The following GCKR variants were observed in gnomAD, a reference collection of about 807,000 sequenced individuals.
GCKR encodes the protein glucokinase regulator, also known as glucokinase regulatory protein.
GCKR carries 73 observed loss-of-function variants against 82.9 expected under a neutral mutation model. The ratio of observed to expected loss-of-function variants is 0.88; its 90% CI spans 0.73 to 1.07. GCKR has a LOEUF of 1.07. Among genes scored for constraint, GCKR ranks in the 50% least tolerant of loss-of-function variants. The pLI, the probability that GCKR is intolerant of heterozygous loss-of-function variation, is 0.00. For missense variants in GCKR, 784 were observed against 782.1 expected (o/e 1.00, Z -0.03); for synonymous variants, 294 against 291.8 (o/e 1.01, Z -0.08).
rs1347645412 is a variant in GCKR at position 27,498,408 on chromosome 2, C to T, written c.354+85C>T. On this transcript the variant is annotated intron_variant, in intron 4 of 18. Coordinates refer to ENST00000264717, the MANE Select transcript of GCKR (RefSeq NM_001486.4). ...CATAAAGATCATCATAACTAAGCTC[C>T]CAGGTGGCCCCCTCACTAGACCTGG... 2.9e-6 allele frequency: 3 copies of T among 1,040,838 alleles called. No individual in the cohort carries two copies. In the East Asian group the frequency reaches 7.2e-5, roughly 25 times the overall value. The allele number at this position is 1,040,838 out of a possible 1,614,324, so 64.5% of individuals were successfully genotyped here.
chr2:27,508,315 C>A (rs954691023), intron 16 of GCKR, 64 bp downstream of exon 16: 41 of 1,094,676 alleles, frequency 3.7e-5, no homozygotes, highest in Admixed American at 1.5e-4. Flanking sequence ...TTCCAAGAAT[C>A]AAAAAACCCA....
intron 7 of GCKR, among the ~76,000 whole-genome samples, chr2:27,499,821 G>T (rs1026331950): frequency 2.0e-5 from 3 of 151,380 alleles, no homozygotes; most frequent in Middle Eastern, 3.5e-3. Context: ...GCAATGGCAT[G>T]ATTTCGGCTC....
chr2:27,504,593 C>T (rs1159485784), intron 9 of GCKR, among the ~76,000 whole-genome samples: 2 of 151,744 alleles, frequency 1.3e-5, no homozygotes. Context: ...GGTGATCCGC[C>T]CGCCTCGGCC....
intron 13 of GCKR, 41 bp downstream of exon 13, chr2:27,507,352 T>A (rs1259436788): frequency 2.4e-6 from 3 of 1,260,050 alleles, no homozygotes; most frequent in Middle Eastern, 1.8e-4. Flanking sequence ...GGGAGACCAC[T>A]AGTGTGCTGA....
chr2:27,504,010 G>C (rs1159707084), intron 9 of GCKR, among the ~76,000 whole-genome samples: 1 of 152,112 alleles, frequency 6.6e-6, no homozygotes, highest in Non-Finnish European at 1.5e-5. Flanking sequence ...TCATTCTTCT[G>C]CCTTTCTAAA....
intron 17 of GCKR, among the ~76,000 whole-genome samples, chr2:27,521,727 A>C (rs1305384102): frequency 6.7e-6 from 1 of 148,814 alleles, no homozygotes; most frequent in Non-Finnish European, 1.5e-5. Flanking sequence ...CTTTATTTTT[A>C]TTTTTTTTAG....
chr2:27,509,494 C>A, intron 16 of GCKR: 1 of 440,340 alleles, frequency 2.3e-6, no homozygotes, highest in Non-Finnish European at 4.6e-6. Context: ...CACTCACCAC[C>A]ATGACTGGCT....
intron 12 of GCKR, 98 bp from the exon 13 acceptor site, chr2:27,507,137 C>T: frequency 1.1e-6 from 1 of 896,282 alleles, no homozygotes; most frequent in South Asian, 1.3e-5. Flanking sequence ...CCCCACTTGC[C>T]ACTTTTCCTC....
chr2:27,516,667 T>A (rs1161669313), intron 16 of GCKR, among the ~76,000 whole-genome samples: 1 of 152,196 alleles, frequency 6.6e-6, no homozygotes, highest in Non-Finnish European at 1.5e-5. Context: ...AATGAATGTG[T>A]CGCACTCCAA....
intron 17 of GCKR, among the ~76,000 whole-genome samples, chr2:27,520,295 G>T (rs8179247): frequency 6.6e-6 from 1 of 152,078 alleles, no homozygotes; most frequent in Admixed American, 6.6e-5. Context: ...CAAAAAGAAG[G>T]CCTCATGGAA....
intron 16 of GCKR, among the ~76,000 whole-genome samples, chr2:27,515,745 G>GTATATATA (rs528066615): frequency 1.5e-5 from 2 of 129,464 alleles, no homozygotes; most frequent in African/African-American, 2.9e-5. Flanking sequence ...CCAATTGTTC[G>GTATATATA]TATATATATA....
At chr2:27,506,337 C>A (rs1430252608) in intron 10 of GCKR, 144 bp from the exon 11 acceptor site, 17 of 722,620 alleles carry the variant, frequency 2.4e-5, no homozygotes, top group Non-Finnish European at 4.1e-5. Context: ...GGAACGCAGT[C>A]TGGGCCTACT....
intron 16 of GCKR, among the ~76,000 whole-genome samples, chr2:27,511,490 A>G (rs1669880788): frequency 1.3e-5 from 2 of 151,130 alleles, no homozygotes; most frequent in Admixed American, 6.6e-5. Context: ...TGAGGTCAAG[A>G]GTTCGAGACC....
rs374848026 is a variant in GCKR at position 27,523,363 on chromosome 2, T to C, written c.1802T>C (p.Val601Ala). 9.3e-6 allele frequency: 15 copies of C among 1,612,512 alleles called. No individual in the cohort carries two copies. In the African/African-American group the frequency reaches 2.0e-4, roughly 22 times the overall value. Residue 601 changes from valine to alanine, a missense_variant, in exon 19 of 19, where the codon GTC (valine) becomes GCC (alanine). Physicochemically the swap from Val to Ala is moderately conservative, Grantham distance 64. Transcript: ENST00000264717. ...LAAAPSVCEA[V>A]RSALAGPGQK... is the part of the protein sequence containing the mutation. ...GCAGCTCCTTCTGTCTGTGAGGCTG[T>C]CAGGAGTGCTCTTGCTGGGCCAGGT...
chr2:27,507,898 G>A, intron 14 of GCKR, 79 bp from the exon 15 acceptor site: 1 of 1,200,132 alleles, frequency 8.3e-7, no homozygotes, highest in Non-Finnish European at 1.2e-6. Context: ...TGAATATCCT[G>A]ACTGGACCCC....
At chr2:27,507,048 A>G (rs556733573) in intron 12 of GCKR, among the ~76,000 whole-genome samples, 163 bp downstream of exon 12, 7 of 151,962 alleles carry the variant, frequency 4.6e-5, no homozygotes, top group African/African-American at 1.7e-4. Flanking sequence ...TAGAACCCCA[A>G]CTCAGTCCTT....
chr2:27,506,445 T>G, intron 10 of GCKR, 36 bp from the exon 11 acceptor site: 1 of 1,370,214 alleles, frequency 7.3e-7, no homozygotes, highest in Non-Finnish European at 1.0e-6. Context: ...GAGGGGGAAT[T>G]GGGCCCTTCT....
chr2:27,500,734 A>C (rs1431287590), intron 7 of GCKR, among the ~76,000 whole-genome samples: 1 of 152,192 alleles, frequency 6.6e-6, no homozygotes, highest in Non-Finnish European at 1.5e-5. Flanking sequence ...AGGTAGTTTG[A>C]GAAGCACTGA....
intron 6 of GCKR, 59 bp downstream of exon 6, chr2:27,499,267 A>G (rs1329689215): frequency 2.9e-6 from 4 of 1,397,906 alleles, no homozygotes; most frequent in Non-Finnish European, 4.1e-6. Flanking sequence ...TCATGGGGAC[A>G]TAAAAGCCCC....
Sources: gnomAD v4.1 joint callset for allele counts (sites outside exome capture counted in the v4.1 genomes callset) on GRCh38, gnomAD v4.1.1 for gene constraint, MANE v1.5 for transcripts, NCBI Gene and HGNC (gene_info 2026-07-23, HGNC 2026-07-21) for gene names.